PLEKHG5: variants seen among roughly 807,000 people sequenced by gnomAD.
PLEKHG5 encodes pleckstrin homology domain-containing family G member 5.
PLEKHG5 carries 52 observed loss-of-function variants against 103.8 expected under a neutral mutation model. The ratio of observed to expected loss-of-function variants is 0.50; its 90% CI spans 0.40 to 0.63. The LOEUF (loss-of-function observed/expected upper bound fraction) is 0.63, where lower values mean the gene tolerates loss of function less well. PLEKHG5 is among the 30% of genes least tolerant of loss of function. The pLI, the probability that PLEKHG5 is intolerant of heterozygous loss-of-function variation, is 0.00. For synonymous variants in PLEKHG5, 592 were observed against 575.5 expected (o/e 1.03, Z -0.41); for missense variants, 1,205 against 1,347.6 (o/e 0.89, Z 1.66).
At chr1:6,473,607 AT>A (rs1644665409) in intron 7 of PLEKHG5, among the ~76,000 whole-genome samples, 153 bp from the exon 8 acceptor site, 1 of 152,086 alleles carries the variant, frequency 6.6e-6, no homozygotes, top group African/African-American at 2.4e-5. Context: ...ACCCAGACAT[AT>A]CTGGAGACTG....
chr1:6,502,567 T>A (rs1645307085), intron 1 of PLEKHG5, among the ~76,000 whole-genome samples: 1 of 152,262 alleles, frequency 6.6e-6, no homozygotes, highest in Admixed American at 6.5e-5. Flanking sequence ...TTCCTCCGGC[T>A]GAGGCTACTG....
chr1:6,500,484 C>T (rs1029404401), upstream of PLEKHG5, among the ~76,000 whole-genome samples: 2 of 152,034 alleles, frequency 1.3e-5, no homozygotes, highest in Admixed American at 6.6e-5. Context: ...GCTCCCCGAC[C>T]TCAGCCCGAC....
upstream of PLEKHG5, among the ~76,000 whole-genome samples, chr1:6,493,232 C>T (rs1645176971): frequency 6.6e-6 from 1 of 152,208 alleles, no homozygotes; most frequent in Admixed American, 6.5e-5. Flanking sequence ...GTTTGGCCAG[C>T]CAGGGTCACT....
At chr1:6,469,724 G>A in intron 16 of PLEKHG5, 48 bp from the exon 17 acceptor site, 1 of 1,593,608 alleles carries the variant, frequency 6.3e-7, no homozygotes, top group Non-Finnish European at 8.6e-7. Context: ...CAGGGTCAGG[G>A]CCAGGGACTG....
intron 1 of PLEKHG5, among the ~76,000 whole-genome samples, chr1:6,518,178 C>T (rs1216603887): frequency 1.3e-5 from 2 of 152,032 alleles, no homozygotes; most frequent in Admixed American, 6.5e-5. Flanking sequence ...GTGATCCGCC[C>T]GCCTCAGCCT....
Position 6,490,646 on chromosome 1 carries a change from T to C in PLEKHG5, c.-88+991A>G. The C allele has an allele frequency of 1.0e-6, 1 of 975,688 alleles. No homozygotes were observed. The allele number at this position is 975,688 out of a possible 1,614,324, so 60.4% of individuals were successfully genotyped here. The stretch of plus-strand genomic sequence containing the variant: ...GCTACCACCTGGACCGGCCGGGATG[T>C]ACCAACGGCGCCGCCCGGCTGGGAC... On this transcript the variant is annotated intron_variant, in intron 1 of 20. Coordinates refer to ENST00000377728, the MANE Select transcript of PLEKHG5 (RefSeq NM_020631.6). This position sits in a 1 kb window ranked among gnomAD's most constrained non-coding sequence, Gnocchi z 8.0.
chr1:6,519,347 G>C, intron 1 of PLEKHG5: 1 of 922,834 alleles, frequency 1.1e-6, no homozygotes, highest in African/African-American at 1.6e-5. Context: ...TTCAGTGAGT[G>C]TGAGTCCTTG....
chr1:6,507,148 T>C (rs1205882568), intron 1 of PLEKHG5, among the ~76,000 whole-genome samples: 1 of 152,192 alleles, frequency 6.6e-6, no homozygotes, highest in African/African-American at 2.4e-5. Flanking sequence ...TCAAAGCCTA[T>C]GGCAGCCCTC....
rs973535146 is a variant in PLEKHG5 at position 6,505,176 on chromosome 1, G to A, written c.-164-8607C>T. 3.9e-5 allele frequency among the ~76,000 whole-genome samples: 6 copies of A among 152,036 alleles called. No homozygotes were observed. The highest frequency in any genetic ancestry group is 3.2e-3 in the Middle Eastern group (1 of 316). Reference sequence around the variant, plus strand: ...AGATCAGCGCTCCGGTAGCTTCTGCGGACCGGACTCAAGTTTCTGTCACTG... The same window carrying A: ...AGATCAGCGCTCCGGTAGCTTCTGCAGACCGGACTCAAGTTTCTGTCACTG... On this transcript the variant is annotated intron_variant, in intron 1 of 21. Transcript: ENST00000377740. The surrounding 1 kb of genome is among the most constrained non-coding windows in gnomAD (Gnocchi z 4.2).
At chr1:6,489,053 T>C (rs1450349027) in intron 1 of PLEKHG5, among the ~76,000 whole-genome samples, 2 of 152,014 alleles carry the variant, frequency 1.3e-5, no homozygotes, top group Non-Finnish European at 2.9e-5. Context: ...AGGACGCAGG[T>C]CTGGGGCCAG....
At chr1:6,512,699 AGCCTCAGGCCACCACCGCCCT>A in intron 1 of PLEKHG5, among the ~76,000 whole-genome samples, 1 of 152,330 alleles carries the variant, frequency 6.6e-6, no homozygotes, top group South Asian at 2.1e-4. Flanking sequence ...GCGCTGGCAC[AGCCTCAGGCCACCACCGCCCT>A]GCCTCAGTCC....
intron 12 of PLEKHG5, 124 bp from the exon 13 acceptor site, chr1:6,471,224 C>G: frequency 1.2e-6 from 1 of 847,688 alleles, no homozygotes; most frequent in East Asian, 2.7e-5. Flanking sequence ...GGGCAGCAAG[C>G]TTATGATCCC....
chr1:6,481,483 A>T (rs1193713861), intron 1 of PLEKHG5, among the ~76,000 whole-genome samples: 1 of 151,646 alleles, frequency 6.6e-6, no homozygotes, highest in Admixed American at 6.6e-5. Flanking sequence ...GTGAGCCGAG[A>T]TTGTGCCATC....
intron 2 of PLEKHG5, 28 bp downstream of exon 2, chr1:6,477,501 C>A: frequency 1.2e-6 from 2 of 1,607,060 alleles, no homozygotes; most frequent in Non-Finnish European, 1.7e-6. Flanking sequence ...GCTCTGGGGG[C>A]CGAGCTGCGG....
chr1:6,516,528 G>A (rs1638618119), intron 1 of PLEKHG5, among the ~76,000 whole-genome samples: 1 of 151,446 alleles, frequency 6.6e-6, no homozygotes, highest in Admixed American at 6.6e-5. Context: ...GTGGTGGCGG[G>A]CATCTGTAAT....
intron 19 of PLEKHG5, 45 bp from the exon 20 acceptor site, chr1:6,468,631 T>C (rs1358093242): frequency 1.2e-6 from 2 of 1,608,724 alleles, no homozygotes; most frequent in Non-Finnish European, 8.5e-7. Flanking sequence ...GAAACCTAGA[T>C]GGCCTGAGGC....
chr1:6,511,215 A>G lies in PLEKHG5; in HGVS notation c.-165+8230T>C, dbSNP rs1020012248. ...GGCCACAACCACCTGGCCCCTGGCC[A>G]GCCCGTCCTTGAGCTTCAACCAGGC... On this transcript the variant is annotated intron_variant, in intron 1 of 21. Transcript: ENST00000377740. 9.2e-5 allele frequency among the ~76,000 whole-genome samples: 14 copies of G among 152,302 alleles called. No homozygotes were observed. In the East Asian group the frequency reaches 2.7e-3, roughly 29 times the overall value.
upstream of PLEKHG5, chr1:6,497,087 G>A: frequency 2.0e-6 from 3 of 1,483,702 alleles, no homozygotes; most frequent in Non-Finnish European, 9.0e-7. The surrounding 1 kb of genome is among the most constrained non-coding windows in gnomAD (Gnocchi z 6.1). Flanking sequence ...GGGCTGGAGT[G>A]CACCGCGGTG....
At chr1:6,478,117 C>A (rs901667277) in intron 1 of PLEKHG5, among the ~76,000 whole-genome samples, 1 of 152,124 alleles carries the variant, frequency 6.6e-6, no homozygotes, top group Non-Finnish European at 1.5e-5. Flanking sequence ...AATTCCTGAC[C>A]TCGTGAACAG....
Sources: allele counts gnomAD v4.1 joint callset (sites outside exome capture counted in the v4.1 genomes callset), GRCh38; gene constraint gnomAD v4.1.1; non-coding constraint Gnocchi (gnomAD v3.1); transcripts MANE v1.5; gene names NCBI Gene and HGNC (gene_info 2026-07-23, HGNC 2026-07-21).